The following AGT variants were observed in gnomAD, a reference collection of about 807,000 sequenced individuals.
AGT encodes angiotensinogen, also known as alpha-1 antiproteinase, antitrypsin.
In AGT, 26 loss-of-function variants were observed where a neutral mutation model predicts 28.1. The ratio of observed to expected loss-of-function variants is 0.92; its 90% CI spans 0.68 to 1.28. AGT has a LOEUF of 1.28. Ranked by LOEUF, AGT falls within the 50% of genes most tolerant of loss-of-function variation. The probability of loss-of-function intolerance (pLI) is 0.00; values close to 1 mark genes in which losing one functional copy is unlikely to be tolerated. For missense variants in AGT, 596 were observed against 592.3 expected (o/e 1.01, Z -0.06); for synonymous variants, 259 against 259.6 (o/e 1.00, Z 0.02).
intron 1 of AGT, among the ~76,000 whole-genome samples, chr1:230,739,654 G>A (rs1664213056): frequency 6.6e-6 from 1 of 152,208 alleles, no homozygotes; most frequent in Admixed American, 6.5e-5. Flanking sequence ...TATGCTAGCT[G>A]TGACCCCTCC....
chr1:230,722,204 A>G, intron 1 of AGT, among the ~76,000 whole-genome samples: 1 of 152,056 alleles, frequency 6.6e-6, no homozygotes, highest in African/African-American at 2.4e-5. Context: ...AAGCCTTGGC[A>G]GCTTCCACAT....
In AGT at chr1:230,732,591, T is replaced by C. The variant is rs115666176; in HGVS notation, c.-31+12924A>G. 3.7e-3 allele frequency among the ~76,000 whole-genome samples: 570 copies of C among 152,348 alleles called. 1 individual carries two copies. The highest frequency in any genetic ancestry group is 6.8e-3 in the Middle Eastern group (2 of 294). On this transcript the variant is annotated intron_variant, in intron 1 of 4. Coordinates refer to the AGT transcript ENST00000681269. ...CAGAAACTTTACTGATAATCTAATG[T>C]TGATTAACACATATTTTTATGTCGT...
intron 1 of AGT, among the ~76,000 whole-genome samples, chr1:230,724,624 G>A (rs551214808): frequency 6.6e-6 from 1 of 152,108 alleles, no homozygotes; most frequent in East Asian, 1.9e-4. Flanking sequence ...AGGAGTTTGA[G>A]ACCAGCTTCA....
chr1:230,707,530 G>T (rs1020172234), intron 2 of AGT, among the ~76,000 whole-genome samples: 1 of 152,138 alleles, frequency 6.6e-6, no homozygotes, highest in Non-Finnish European at 1.5e-5. Context: ...TCCGGGTCTC[G>T]TAAGAAGGCA....
intron 1 of AGT, among the ~76,000 whole-genome samples, chr1:230,743,358 C>A (rs931642925): frequency 6.6e-6 from 1 of 152,150 alleles, no homozygotes; most frequent in African/African-American, 2.4e-5. Flanking sequence ...CTTCTGTCAC[C>A]ACCATCACCC....
intron 1 of AGT, among the ~76,000 whole-genome samples, chr1:230,722,575 GC>G (rs1417188364): frequency 2.0e-5 from 3 of 152,246 alleles, no homozygotes; most frequent in African/African-American, 7.2e-5. Context: ...GGGTGGAGCT[GC>G]CCAAGGCCAT....
intron 1 of AGT, among the ~76,000 whole-genome samples, chr1:230,721,396 C>G (rs1663841432): frequency 6.6e-6 from 1 of 152,192 alleles, no homozygotes; most frequent in African/African-American, 2.4e-5. Flanking sequence ...TAAACTAGTA[C>G]AAATGATTGC....
intron 2 of AGT, among the ~76,000 whole-genome samples, chr1:230,706,563 A>G (rs1663392974): frequency 6.6e-6 from 1 of 152,188 alleles, no homozygotes; most frequent in African/African-American, 2.4e-5. Flanking sequence ...CTGTGGTTTG[A>G]CACACTCACT....
chr1:230,730,489 C>T lies in AGT; in HGVS notation c.-31+15026G>A, dbSNP rs182487859. ...AATAAAGTCCGCACTGCTTGAGGCT[C>T]GCTTTGGGTTTCATGTATTGGCTTC... is the stretch of plus-strand genomic sequence containing the variant. On this transcript the variant is annotated intron_variant, in intron 1 of 4. Transcript: ENST00000681269. Among the ~76,000 whole-genome samples the T allele has an allele frequency of 1.2e-3, 181 of 152,200 alleles. 1 individual carries two copies. The highest frequency in any genetic ancestry group is 1.8e-3 in the Non-Finnish European group (120 of 68,012).
At chr1:230,727,297 G>GC (rs1558293259) in intron 1 of AGT, among the ~76,000 whole-genome samples, 1 of 152,168 alleles carries the variant, frequency 6.6e-6, no homozygotes, top group African/African-American at 2.4e-5. Context: ...CCCATGGGTG[G>GC]CCCCCCAAGC....
At chr1:230,730,136 T>A (rs13376410) in intron 1 of AGT, among the ~76,000 whole-genome samples, 1 of 151,682 alleles carries the variant, frequency 6.6e-6, no homozygotes, top group Admixed American at 6.6e-5. Context: ...GGCCAGGCTG[T>A]TCTCAAACTC....
chr1:230,741,912 C>T (rs1193383275), intron 1 of AGT, among the ~76,000 whole-genome samples: 2 of 152,106 alleles, frequency 1.3e-5, no homozygotes, highest in Non-Finnish European at 2.9e-5. Context: ...ACAGTTAAGG[C>T]TAGTGTTGTG....
At chr1:230,742,920 C>G (rs186446636) in intron 1 of AGT, among the ~76,000 whole-genome samples, 5 of 152,300 alleles carry the variant, frequency 3.3e-5, no homozygotes, top group Non-Finnish European at 7.3e-5. Context: ...ATTGGTAGCT[C>G]TGAGAGGTAT....
intron 1 of AGT, among the ~76,000 whole-genome samples, chr1:230,744,548 G>A (rs1664307133): frequency 6.6e-6 from 1 of 152,198 alleles, no homozygotes; most frequent in Admixed American, 6.5e-5. Context: ...TAGGGGGCAG[G>A]AGGAATTCCA....
upstream of AGT, among the ~76,000 whole-genome samples, chr1:230,717,399 A>T (rs1473641358): frequency 6.6e-6 from 1 of 152,144 alleles, no homozygotes; most frequent in East Asian, 1.9e-4. Context: ...TCCTCTCTCC[A>T]GCAAAACTAA....
chr1:230,709,745 C>T (rs1663515570), intron 2 of AGT, among the ~76,000 whole-genome samples: 1 of 152,188 alleles, frequency 6.6e-6, no homozygotes, highest in South Asian at 2.1e-4. Context: ...TTCACCACAT[C>T]ATAAGGGGAT....
Position 230,710,394 on chromosome 1 carries a change from G to C in AGT, c.430C>G (p.His144Asp). The C allele has an allele frequency of 6.2e-7, 1 of 1,614,226 alleles. No individual in the cohort carries two copies. The highest frequency in any genetic ancestry group is 1.6e-4 in the Middle Eastern group (1 of 6,062). ...ATTGCCTGTAGCCTGTCAGCTGTGT[G>C]GTCCAAGGCTCCCAGATAGAGAGAG... is the stretch of plus-strand genomic sequence containing the variant. ...LASLYLGALD[H>D]TADRLQAILG... The change falls in exon 2 of 5, where the codon CAC becomes GAC. Residue 144 changes from histidine to aspartate, a missense_variant. By Grantham distance (81) the His-to-Asp change is moderately conservative. Coordinates refer to ENST00000366667, the MANE Select transcript of AGT (RefSeq NM_001384479.1).
rs574246035 is a variant in AGT at position 230,723,882 on chromosome 1, G to T, written c.-30-13029C>A. The stretch of plus-strand genomic sequence containing the variant: ...TTGGTACACAGAGCTTTGTATAACA[G>T]CTGTGATCCTGAAAAACTGGACAAA... On this transcript the variant is annotated intron_variant, in intron 1 of 4. Coordinates refer to the AGT transcript ENST00000681269. Among the ~76,000 whole-genome samples, 16 of 152,306 alleles carry T rather than the reference G, an allele frequency of 1.1e-4. No homozygotes were observed. In the East Asian group the frequency reaches 2.7e-3, roughly 26 times the overall value.
intron 2 of AGT, among the ~76,000 whole-genome samples, chr1:230,707,968 C>T (rs3789670): frequency 0.15 from 23,180 of 152,178 alleles, 2,045 homozygotes; most frequent in African/African-American, 0.24. Context: ...CCCAGATCCT[C>T]AGGTCCTCTC....
Sources: gnomAD v4.1 joint callset for allele counts (sites outside exome capture counted in the v4.1 genomes callset) on GRCh38, gnomAD v4.1.1 for gene constraint, MANE v1.5 for transcripts, NCBI Gene and HGNC (gene_info 2026-07-23, HGNC 2026-07-21) for gene names.